Variants in WWOX observed in about 807,000 individuals in gnomAD.
The protein encoded by WWOX is WW domain containing oxidoreductase.
WWOX carries 69 observed loss-of-function variants against 46.2 expected under a neutral mutation model. That is an observed-to-expected ratio of 1.49 (90% CI 1.23 to 1.82). WWOX has a LOEUF of 1.82. Ranked by LOEUF, WWOX falls within the 40% of genes most tolerant of loss-of-function variation. The pLI, the probability that WWOX is intolerant of heterozygous loss-of-function variation, is 0.00. For synonymous variants in WWOX, 359 were observed against 202.6 expected (o/e 1.77, Z -6.56); for missense variants, 919 against 542.6 (o/e 1.69, Z -6.89).
At position 78,285,083 on chromosome 16, in the gene WWOX, C is replaced by G. The variant is rs2079744155; in HGVS notation, c.517-101777C>G. 3.9e-5 allele frequency among the ~76,000 whole-genome samples: 6 copies of G among 152,118 alleles called. No homozygotes were observed. The South Asian group carries it at 1.2e-3, about 32-fold the overall frequency. On this transcript the variant is annotated intron_variant, in intron 5 of 8. Coordinates refer to ENST00000566780, the MANE Select transcript of WWOX (RefSeq NM_016373.4). ...GGCACTTCTGAAAAGGGGCAAAGTG[C>G]ATCTGCTTCTGCTTTGTTTATAGAC...
intron 8 of WWOX, among the ~76,000 whole-genome samples, chr16:78,959,480 C>T (rs1211031987): frequency 6.6e-6 from 1 of 152,158 alleles, no homozygotes; most frequent in Non-Finnish European, 1.5e-5. Flanking sequence ...CAGGGTTAGC[C>T]ATCCATCTAT....
At chr16:78,786,099 G>A (rs1194685403) in intron 8 of WWOX, among the ~76,000 whole-genome samples, 2 of 152,076 alleles carry the variant, frequency 1.3e-5, no homozygotes, top group African/African-American at 4.8e-5. Context: ...TAGTAGAGGC[G>A]AGATTTTCCC....
chr16:78,809,959 A>G (rs965825203), intron 8 of WWOX, among the ~76,000 whole-genome samples: 3 of 152,176 alleles, frequency 2.0e-5, no homozygotes, highest in Non-Finnish European at 4.4e-5. Flanking sequence ...GACCCTTGGT[A>G]TCCTGTTCAT....
At chr16:78,165,272 A>G (rs145790440) in intron 5 of WWOX, among the ~76,000 whole-genome samples, 27 of 152,346 alleles carry the variant, frequency 1.8e-4, no homozygotes, top group African/African-American at 4.8e-4. Context: ...ATTCATTCAC[A>G]TATTCATGAA....
intron 8 of WWOX, among the ~76,000 whole-genome samples, chr16:78,520,756 T>C (rs1006129979): frequency 9.2e-5 from 14 of 152,152 alleles, no homozygotes; most frequent in African/African-American, 3.1e-4. Flanking sequence ...TCACCCTCCC[T>C]AAATCCCAGG....
At chr16:78,477,296 A>AG (rs1311506383) in intron 8 of WWOX, among the ~76,000 whole-genome samples, 1 of 152,188 alleles carries the variant, frequency 6.6e-6, no homozygotes, top group Non-Finnish European at 1.5e-5. Flanking sequence ...TCATTATGTA[A>AG]GCAGTAACCG....
intron 8 of WWOX, among the ~76,000 whole-genome samples, chr16:79,161,070 C>G (rs1251538234): frequency 1.3e-5 from 2 of 152,192 alleles, no homozygotes; most frequent in Non-Finnish European, 1.5e-5. Context: ...GATCACTTTT[C>G]CGCACAAACA....
rs546076778 is a variant in WWOX, at chr16:78,423,124, A to G, written c.606-1746A>G. Among the ~76,000 whole-genome samples, 10 of 151,972 alleles carry G rather than the reference A, an allele frequency of 6.6e-5. No homozygotes were observed. In the South Asian group the frequency reaches 1.5e-3, roughly 22 times the overall value. Reference sequence around the variant, plus strand: ...CTGGTCTTGAACTTCTGACCTCGTGATTTGCCTGCCTCAGCCTCCCAAAGT... The same window carrying G: ...CTGGTCTTGAACTTCTGACCTCGTGGTTTGCCTGCCTCAGCCTCCCAAAGT... On this transcript the variant is annotated intron_variant, in intron 6 of 8. Transcript: ENST00000566780.
chr16:78,916,903 G>A (rs558696249), intron 8 of WWOX, among the ~76,000 whole-genome samples: 163 of 152,182 alleles, frequency 1.1e-3, no homozygotes, highest in Non-Finnish European at 1.9e-3. Context: ...AGATATAGGT[G>A]TGGTAAGGGG....
At chr16:79,122,830 C>T (rs1363704850) in intron 8 of WWOX, among the ~76,000 whole-genome samples, 1 of 152,158 alleles carries the variant, frequency 6.6e-6, no homozygotes, top group African/African-American at 2.4e-5. Flanking sequence ...CAATGAAATA[C>T]ATCTTCATAT....
chr16:78,478,498 C>T (rs1597141535), intron 8 of WWOX, among the ~76,000 whole-genome samples: 1 of 152,168 alleles, frequency 6.6e-6, no homozygotes, highest in Non-Finnish European at 1.5e-5. Flanking sequence ...CAAAACAGGG[C>T]CAGGTGTAAC....
intron 8 of WWOX, among the ~76,000 whole-genome samples, chr16:78,464,694 G>A (rs1397930): frequency 0.33 from 49,802 of 151,924 alleles, 10,456 homozygotes; most frequent in African/African-American, 0.61. Flanking sequence ...GCCCCCACCC[G>A]TGCAGCAATT....
At chr16:78,878,913 A>AAG (rs2044286496) in intron 8 of WWOX, among the ~76,000 whole-genome samples, 2 of 128,560 alleles carry the variant, frequency 1.6e-5, no homozygotes, top group Non-Finnish European at 3.6e-5. Flanking sequence ...AAAAAAAAAA[A>AAG]AAAAAAAGCC....
chr16:78,582,610 G>C (rs2738538), intron 8 of WWOX, among the ~76,000 whole-genome samples: 9 of 152,304 alleles, frequency 5.9e-5, no homozygotes, highest in African/African-American at 2.2e-4. Flanking sequence ...ACTGTCATCA[G>C]TCTATTGGTG....
intron 8 of WWOX, among the ~76,000 whole-genome samples, chr16:78,502,802 C>T (rs2085102578): frequency 6.6e-6 from 1 of 152,088 alleles, no homozygotes; most frequent in Non-Finnish European, 1.5e-5. Context: ...GGCTGGGATA[C>T]GTTGGTGATT....
chr16:78,497,968 C>T (rs905687877), intron 8 of WWOX, among the ~76,000 whole-genome samples: 6 of 151,866 alleles, frequency 4.0e-5, no homozygotes, highest in East Asian at 1.9e-4. Context: ...TTTGGGAGGC[C>T]GAGGTGGGCG....
chr16:78,889,441 C>G (rs529607698), intron 8 of WWOX, among the ~76,000 whole-genome samples: 25 of 148,230 alleles, frequency 1.7e-4, no homozygotes, highest in African/African-American at 5.2e-4. Context: ...CGCGAGCCGA[C>G]TTGATGTGTC....
At chr16:78,396,781 T>C (rs1035316538) in intron 6 of WWOX, among the ~76,000 whole-genome samples, 2 of 152,220 alleles carry the variant, frequency 1.3e-5, no homozygotes, top group East Asian at 3.8e-4. Context: ...CATTGTTGAA[T>C]ACATTGTTGA....
At chr16:78,753,133 A>G (rs2049528259) in intron 8 of WWOX, among the ~76,000 whole-genome samples, 1 of 152,064 alleles carries the variant, frequency 6.6e-6, no homozygotes, top group African/African-American at 2.4e-5. Context: ...CGTCTCTACT[A>G]ATAATACAAA....
Sources: allele counts gnomAD v4.1 joint callset (sites outside exome capture counted in the v4.1 genomes callset), GRCh38; gene constraint gnomAD v4.1.1; transcripts MANE v1.5; gene names NCBI Gene and HGNC (gene_info 2026-07-23, HGNC 2026-07-21).